FNDC3B: variants seen among roughly 807,000 people sequenced by gnomAD.
FNDC3B encodes fibronectin type III domain containing 3B, also known as fibronectin type III domain-containing protein 3B.
A neutral mutation model predicts 151.5 loss-of-function variants in FNDC3B; 12 were observed. The observed-to-expected ratio is 0.08, with a 90% CI of 0.05 to 0.13. The LOEUF is 0.13. Among genes scored for constraint, FNDC3B ranks in the 10% least tolerant of loss-of-function variants. The pLI is 1.00. For missense variants in FNDC3B, 1,214 were observed against 1,505.3 expected, an observed-to-expected ratio of 0.81 and a Z score of 3.20; for synonymous variants, 528 against 549.0, an observed-to-expected ratio of 0.96 and a Z score of 0.54.
intron 11 of FNDC3B, among the ~76,000 whole-genome samples, chr3:172,325,642 C>T (rs1336454294): frequency 6.6e-6 from 1 of 152,316 alleles, no homozygotes; most frequent in East Asian, 1.9e-4. Flanking sequence ...TTACTCTACT[C>T]TAATGCTTAA....
chr3:172,072,469 G>T (rs926655412), intron 1 of FNDC3B, among the ~76,000 whole-genome samples: 1 of 152,012 alleles, frequency 6.6e-6, no homozygotes, highest in Non-Finnish European at 1.5e-5. Context: ...TTACAAAGTG[G>T]ATAATTGAAT....
chr3:172,235,616 G>A (rs1238479784), intron 4 of FNDC3B, among the ~76,000 whole-genome samples: 2 of 152,132 alleles, frequency 1.3e-5, no homozygotes, highest in Admixed American at 6.5e-5. Context: ...TTCCAAACAT[G>A]GGCTCTACCC....
At chr3:172,173,688 G>A (rs1174029655) in intron 3 of FNDC3B, among the ~76,000 whole-genome samples, 1 of 151,968 alleles carries the variant, frequency 6.6e-6, no homozygotes. Context: ...AGGCATAGTG[G>A]TGCATACCTG....
chr3:172,257,609 C>T (rs1248173948), intron 6 of FNDC3B, among the ~76,000 whole-genome samples: 5 of 148,844 alleles, frequency 3.4e-5, no homozygotes, highest in South Asian at 4.3e-4. Flanking sequence ...CACACACACA[C>T]GCACTCTGAA....
At chr3:172,058,182 G>A (rs1717006049) in intron 1 of FNDC3B, among the ~76,000 whole-genome samples, 1 of 152,210 alleles carries the variant, frequency 6.6e-6, no homozygotes, top group African/African-American at 2.4e-5. Flanking sequence ...CTTGCTTGAA[G>A]GAGGGCTTTG....
chr3:172,222,362 A>T (rs966496692), intron 3 of FNDC3B, among the ~76,000 whole-genome samples: 5 of 152,188 alleles, frequency 3.3e-5, no homozygotes, highest in African/African-American at 1.2e-4. Context: ...TGTACCCTGG[A>T]TTCCCAGTTT....
intron 23 of FNDC3B, among the ~76,000 whole-genome samples, chr3:172,370,980 G>A (rs542894469): frequency 2.0e-5 from 3 of 152,100 alleles, no homozygotes; most frequent in East Asian, 1.9e-4. Context: ...CATAATTTAC[G>A]TTAGGGTTTA....
chr3:172,105,000 C>G, intron 1 of FNDC3B, among the ~76,000 whole-genome samples: 1 of 152,108 alleles, frequency 6.6e-6, no homozygotes, highest in East Asian at 1.9e-4. Flanking sequence ...AGAGGTTTTT[C>G]TAATGAGGAA....
intron 1 of FNDC3B, among the ~76,000 whole-genome samples, chr3:172,094,978 T>G (rs1332362179): frequency 6.6e-6 from 1 of 151,754 alleles, no homozygotes; most frequent in Non-Finnish European, 1.5e-5. Flanking sequence ...TGAACTAGGG[T>G]GTTGCTGCTG....
intron 13 of FNDC3B, among the ~76,000 whole-genome samples, chr3:172,331,731 C>T (rs1732680706): frequency 6.6e-6 from 1 of 152,154 alleles, no homozygotes; most frequent in Non-Finnish European, 1.5e-5. Context: ...TGCCTTCTGG[C>T]CAGAATGCCC....
At chr3:172,203,941 G>A (rs1725298284) in intron 3 of FNDC3B, among the ~76,000 whole-genome samples, 1 of 152,178 alleles carries the variant, frequency 6.6e-6, no homozygotes, top group Admixed American at 6.5e-5. Context: ...TCAGACAAAG[G>A]CATTTTGTTT....
intron 1 of FNDC3B, among the ~76,000 whole-genome samples, chr3:172,058,484 C>T (rs943894893): frequency 1.3e-5 from 2 of 150,906 alleles, no homozygotes; most frequent in African/African-American, 4.9e-5. Flanking sequence ...AGTTGATGTC[C>T]CTCTTACATT....
At position 172,311,371 on chromosome 3, in the gene FNDC3B, T is replaced by G. The variant is rs878951381; in HGVS notation, c.1254+490T>G. 8.5e-5 allele frequency among the ~76,000 whole-genome samples: 13 copies of G among 152,176 alleles called. 1 individual carries two copies. Among genetic ancestry groups the G allele is most frequent in the Admixed American group, 3.3e-4 (5 of 15,276 alleles). On this transcript the variant is annotated intron_variant, in intron 11 of 25. Coordinates refer to ENST00000415807, the MANE Select transcript of FNDC3B (RefSeq NM_022763.4). ...ACATTCTACCCATGTGCGAGTGCCC[T>G]GTGGGTTAGAATGTCCTGTATCGGA... is the stretch of plus-strand genomic sequence containing the variant.
chr3:172,353,188 C>G (rs35419192), intron 22 of FNDC3B, 105 bp downstream of exon 22: 2 of 1,117,792 alleles, frequency 1.8e-6, no homozygotes, highest in East Asian at 2.5e-5. Context: ...CCAGCTGTTT[C>G]TAAGAGCCCA....
At chr3:172,145,811 C>CT (rs34361134) in intron 3 of FNDC3B, among the ~76,000 whole-genome samples, 377 of 114,118 alleles carry the variant, frequency 3.3e-3, no homozygotes, top group African/African-American at 5.0e-3. Flanking sequence ...AGGTTTCTTT[C>CT]TTTTTTTTTT....
intron 2 of FNDC3B, among the ~76,000 whole-genome samples, chr3:172,115,689 C>A (rs1720212171): frequency 6.6e-6 from 1 of 152,130 alleles, no homozygotes; most frequent in South Asian, 2.1e-4. Context: ...GTACAACAGA[C>A]CCTCGGCGGT....
At chr3:172,302,632 C>T (rs1436857288) in intron 9 of FNDC3B, 1 of 152,218 alleles carries the variant, frequency 6.6e-6, no homozygotes, top group Non-Finnish European at 1.5e-5. Context: ...CTCTATGATG[C>T]ATACATTGAT....
chr3:172,371,496 G>T (rs1369769682), intron 23 of FNDC3B, among the ~76,000 whole-genome samples: 1 of 152,202 alleles, frequency 6.6e-6, no homozygotes, highest in African/African-American at 2.4e-5. Context: ...CTTGTTTCAA[G>T]AAGATATTAC....
chr3:172,223,681 G>A (rs1726404503), intron 3 of FNDC3B, among the ~76,000 whole-genome samples: 1 of 152,132 alleles, frequency 6.6e-6, no homozygotes, highest in Non-Finnish European at 1.5e-5. Flanking sequence ...TACCTAATGA[G>A]GAAGGATTGT....
Sources: gnomAD v4.1 joint callset for allele counts (sites outside exome capture counted in the v4.1 genomes callset) on GRCh38, gnomAD v4.1.1 for gene constraint, MANE v1.5 for transcripts, NCBI Gene and HGNC (gene_info 2026-07-23, HGNC 2026-07-21) for gene names.